CCDC171: variants seen among roughly 807,000 people sequenced by gnomAD.
CCDC171 encodes coiled-coil domain-containing protein 171.
Under a neutral mutation model 168.2 loss-of-function variants are expected in CCDC171, and 177 were observed. The observed-to-expected ratio is 1.05, with a 90% CI of 0.93 to 1.19. The LOEUF (loss-of-function observed/expected upper bound fraction) is 1.19. Ranked by LOEUF, CCDC171 falls within the 50% of genes most tolerant of loss-of-function variation. The pLI is 0.00. For missense variants in CCDC171, 1,991 were observed against 1,539.0 expected, an observed-to-expected ratio of 1.29 and a Z score of -4.91; for synonymous variants, 687 against 540.8, an observed-to-expected ratio of 1.27 and a Z score of -3.75.
At chr9:15,618,307 CCTT>C (rs1230478338) in intron 6 of CCDC171, among the ~76,000 whole-genome samples, 1 of 152,196 alleles carries the variant, frequency 6.6e-6, no homozygotes, top group Non-Finnish European at 1.5e-5. Context: ...CTCCCAGTCT[CCTT>C]AGCACTATCA....
Position 15,744,337 on chromosome 9 carries a change from A to G in CCDC171, c.2114A>G (p.Gln705Arg). 2 of 1,613,768 alleles carry G rather than the reference A, an allele frequency of 1.2e-6. No homozygotes were observed. Among genetic ancestry groups the G allele is most frequent in the Non-Finnish European group, 1.7e-6 (2 of 1,179,826 alleles). The change falls in exon 17 of 26, where the codon CAG becomes CGG. Residue 705 changes from glutamine to arginine, a missense_variant. Gln to Arg is a conservative substitution (Grantham distance 43). Coordinates refer to ENST00000380701, the MANE Select transcript of CCDC171 (RefSeq NM_173550.4). The stretch of plus-strand genomic sequence containing the variant: ...AACCATATTGAGAAGTCACATGAAC[A>G]GTTGGTTCTTGAAAATTCGCACTTC... ...KLNHIEKSHE[Q>R]LVLENSHFKK...
chr9:15,907,960 A>G (rs1822968268), intron 24 of CCDC171, among the ~76,000 whole-genome samples: 1 of 152,136 alleles, frequency 6.6e-6, no homozygotes, highest in Non-Finnish European at 1.5e-5. Flanking sequence ...ATGAGATACC[A>G]TCTCACACCA....
chr9:16,034,761 C>T (rs1352379964), intron 6 of CCDC171, among the ~76,000 whole-genome samples: 2 of 152,260 alleles, frequency 1.3e-5, no homozygotes, highest in Admixed American at 1.3e-4. Flanking sequence ...CCAAAGCTTC[C>T]CTGGATCTCA....
intron 25 of CCDC171, among the ~76,000 whole-genome samples, chr9:15,938,593 G>T (rs912726934): frequency 1.3e-5 from 2 of 151,802 alleles, no homozygotes; most frequent in African/African-American, 4.8e-5. Flanking sequence ...ATCCTTCCAT[G>T]TTAGACTGGT....
chr9:15,585,060 T>G (rs1219562200), intron 4 of CCDC171, among the ~76,000 whole-genome samples: 1 of 152,232 alleles, frequency 6.6e-6, no homozygotes, highest in Non-Finnish European at 1.5e-5. Context: ...TAAACACCTA[T>G]CAGGTGGCTC....
At chr9:15,663,827 C>T (rs546268404) in intron 8 of CCDC171, among the ~76,000 whole-genome samples, 7 of 152,004 alleles carry the variant, frequency 4.6e-5, no homozygotes, top group Non-Finnish European at 1.0e-4. Context: ...AGGATGGTCT[C>T]GATCTCCTAA....
At chr9:15,950,590 A>G (rs1212830463) in intron 25 of CCDC171, among the ~76,000 whole-genome samples, 1 of 152,144 alleles carries the variant, frequency 6.6e-6, no homozygotes, top group African/African-American at 2.4e-5. Context: ...TTTTGTCACC[A>G]CCAGACCTGC....
chr9:15,897,473 AC>A (rs1821064679), intron 24 of CCDC171, among the ~76,000 whole-genome samples: 1 of 152,112 alleles, frequency 6.6e-6, no homozygotes, highest in African/African-American at 2.4e-5. Context: ...TTATTTTGTT[AC>A]AAATGTTTAT....
At chr9:15,793,139 C>T (rs2058358408) in intron 21 of CCDC171, among the ~76,000 whole-genome samples, 1 of 151,750 alleles carries the variant, frequency 6.6e-6, no homozygotes, top group Non-Finnish European at 1.5e-5. Flanking sequence ...ATCTACCAAG[C>T]AAATGGAAAA....
At chr9:16,077,808 A>G in the CCDC171 span, among the ~76,000 whole-genome samples, 3 of 152,344 alleles carry the variant, frequency 2.0e-5, no homozygotes, top group African/African-American at 7.2e-5. Flanking sequence ...GCCCTTGGAC[A>G]AATGAGGGAG....
intron 24 of CCDC171, among the ~76,000 whole-genome samples, chr9:15,915,387 A>T (rs1416776138): frequency 6.6e-6 from 1 of 151,700 alleles, no homozygotes; most frequent in African/African-American, 2.4e-5. Flanking sequence ...GCTATTGGGA[A>T]TTGGATAGCT....
At chr9:15,647,588 A>G (rs1348280689) in intron 7 of CCDC171, among the ~76,000 whole-genome samples, 1 of 152,218 alleles carries the variant, frequency 6.6e-6, no homozygotes, top group Non-Finnish European at 1.5e-5. Context: ...CCACAGAAAT[A>G]GAGACTACCA....
chr9:16,007,972 C>G (rs973856904), intron 3 of CCDC171, among the ~76,000 whole-genome samples: 3 of 152,250 alleles, frequency 2.0e-5, no homozygotes, highest in Admixed American at 2.0e-4. Context: ...TTTATATATT[C>G]TGGATACAAG....
intron 7 of CCDC171, among the ~76,000 whole-genome samples, chr9:15,646,080 G>A (rs1444862858): frequency 6.6e-6 from 1 of 152,174 alleles, no homozygotes; most frequent in Non-Finnish European, 1.5e-5. Flanking sequence ...AGAAGAGAGT[G>A]GGGGCCAATA....
chr9:15,715,632 G>A (rs1279884138), intron 11 of CCDC171, among the ~76,000 whole-genome samples: 1 of 152,080 alleles, frequency 6.6e-6, no homozygotes, highest in Non-Finnish European at 1.5e-5. Flanking sequence ...TATAAAAAAA[G>A]CTCTGTCTTT....
At chr9:16,023,654 A>G (rs1239067375) in intron 6 of CCDC171, among the ~76,000 whole-genome samples, 1 of 152,154 alleles carries the variant, frequency 6.6e-6, no homozygotes, top group African/African-American at 2.4e-5. Flanking sequence ...ATAAACAAAG[A>G]TGTTCATGAA....
intron 21 of CCDC171, among the ~76,000 whole-genome samples, chr9:15,820,485 A>G (rs1335567381): frequency 1.0e-4 from 12 of 116,686 alleles, no homozygotes; most frequent in South Asian, 2.8e-4. Context: ...AATAGATGCA[A>G]TAAAAAATGA....
chr9:15,988,643 G>A (rs2094522), intron 3 of CCDC171, among the ~76,000 whole-genome samples: 67,686 of 151,996 alleles, frequency 0.45, 15,456 homozygotes, highest in African/African-American at 0.53. Flanking sequence ...CGCCTCACCC[G>A]GGAAGCACAA....
At chr9:15,764,689 T>C (rs1175159992) in intron 18 of CCDC171, among the ~76,000 whole-genome samples, 1 of 152,212 alleles carries the variant, frequency 6.6e-6, no homozygotes, top group Non-Finnish European at 1.5e-5. Flanking sequence ...GATATCTGAA[T>C]TTGAGAAAAA....
Sources: allele counts gnomAD v4.1 joint callset (sites outside exome capture counted in the v4.1 genomes callset), GRCh38; gene constraint gnomAD v4.1.1; transcripts MANE v1.5; gene names NCBI Gene and HGNC (gene_info 2026-07-23, HGNC 2026-07-21).